The following USP48 variants were observed in gnomAD, a reference collection of about 807,000 sequenced individuals.
USP48 encodes the protein ubiquitin specific peptidase 48.
USP48 carries 43 observed loss-of-function variants against 150.7 expected under a neutral mutation model. That is an observed-to-expected ratio of 0.29 (90% confidence interval 0.22 to 0.37). The LOEUF is 0.37. Among genes scored for constraint, USP48 ranks in the 10% least tolerant of loss-of-function variants. USP48 has a pLI of 1.00. For synonymous variants in USP48, 396 were observed against 425.9 expected, an observed-to-expected ratio of 0.93 and a Z score of 0.86; for missense variants, 813 against 1,249.6, an observed-to-expected ratio of 0.65 and a Z score of 5.27.
intron 24 of USP48, among the ~76,000 whole-genome samples, chr1:21,687,636 T>C (rs2097583415): frequency 6.6e-6 from 1 of 152,166 alleles, no homozygotes; most frequent in African/African-American, 2.4e-5. Context: ...AGAATACCAA[T>C]TAGGTTAAAA....
chr1:21,751,960 G>A lies in USP48; in HGVS notation c.666-345C>T, dbSNP rs1173300713. On this transcript the variant is annotated intron_variant, in intron 5 of 26. Coordinates refer to ENST00000308271, the MANE Select transcript of USP48 (RefSeq NM_032236.8). Reference sequence around the variant, plus strand: ...TTGAACCTGGGAGGCAGAGGTTGCAGTGAGCCAAGATCACGCCACTGCACT... The same window carrying A: ...TTGAACCTGGGAGGCAGAGGTTGCAATGAGCCAAGATCACGCCACTGCACT... Among the ~76,000 whole-genome samples, 10 of 148,576 alleles carry A rather than the reference G, an allele frequency of 6.7e-5. No individual in the cohort carries two copies. The East Asian group carries it at 1.8e-3, about 26-fold the overall frequency.
chr1:21,701,218 T>A (rs1239759060), intron 22 of USP48, among the ~76,000 whole-genome samples: 1 of 150,726 alleles, frequency 6.6e-6, no homozygotes, highest in Non-Finnish European at 1.5e-5. Flanking sequence ...TATAAAAAAT[T>A]AGCCGGGTGT....
At chr1:21,742,416 C>T (rs888702085) in intron 8 of USP48, among the ~76,000 whole-genome samples, 5 of 151,900 alleles carry the variant, frequency 3.3e-5, no homozygotes, top group African/African-American at 1.2e-4. Flanking sequence ...TGGTGGTGCA[C>T]ACTTGTAATC....
rs535936236 is a variant in USP48, at chr1:21,728,337, A to G, written c.1450+233T>C. ...TCATGGATGCAGAGTGCTGACCTAA[A>G]TGTTATAATTTATTAACAGCTTCCC... is the stretch of plus-strand genomic sequence containing the variant. On this transcript the variant is annotated intron_variant, in intron 11 of 26. Transcript: ENST00000308271. The G allele has an allele frequency of 4.7e-6, 6 of 1,279,132 alleles. No homozygotes were observed. The South Asian group carries it at 1.6e-4, about 35-fold the overall frequency. 79.2% of individuals were successfully genotyped at this position (1,279,132 alleles called of 1,614,324 possible). A position where few individuals can be genotyped will look rare whatever the true frequency, so the allele number is the denominator to read the frequency against.
intron 1 of USP48, among the ~76,000 whole-genome samples, chr1:21,764,539 T>C (rs111913694): frequency 0.076 from 11,460 of 150,860 alleles, 491 homozygotes; most frequent in Middle Eastern, 0.11. Context: ...AAACCCTGAC[T>C]CTACTAAAAA....
chr1:21,744,447 A>G (rs2097789387), intron 8 of USP48, among the ~76,000 whole-genome samples: 1 of 144,360 alleles, frequency 6.9e-6, no homozygotes, highest in Non-Finnish European at 1.5e-5. Context: ...CTGTCTCAAA[A>G]AAAAAAACAG....
chr1:21,770,627 C>T (rs1021172596), intron 1 of USP48, among the ~76,000 whole-genome samples: 3 of 151,108 alleles, frequency 2.0e-5, no homozygotes, highest in Non-Finnish European at 4.4e-5. Context: ...ACTACAGGCG[C>T]GCACCACCAT....
intron 1 of USP48, among the ~76,000 whole-genome samples, chr1:21,765,478 A>G (rs1572024640): frequency 6.6e-6 from 1 of 152,034 alleles, no homozygotes; most frequent in Non-Finnish European, 1.5e-5. Flanking sequence ...TGTGCCAGGC[A>G]TGGTGGCACG....
At chr1:21,765,640 G>A (rs183170205) in intron 1 of USP48, among the ~76,000 whole-genome samples, 31 of 150,756 alleles carry the variant, frequency 2.1e-4, no homozygotes, top group Non-Finnish European at 4.3e-4. Context: ...GGGACAGCCC[G>A]AAGCTGAACA....
chr1:21,758,211 C>CACAA (rs2097841739), intron 1 of USP48, among the ~76,000 whole-genome samples: 1 of 151,494 alleles, frequency 6.6e-6, no homozygotes, highest in Admixed American at 6.6e-5. Flanking sequence ...CACACACACA[C>CACAA]ACACACACAC....
chr1:21,745,328 A>G (rs1436355016), intron 8 of USP48, among the ~76,000 whole-genome samples: 1 of 152,072 alleles, frequency 6.6e-6, no homozygotes, highest in Non-Finnish European at 1.5e-5. Flanking sequence ...TTAAGGAGAC[A>G]AACATGGTGG....
Position 21,729,887 on chromosome 1 carries a change from T to G in USP48, c.1172-55A>C, listed in dbSNP as rs2097752144. 1.9e-6 allele frequency: 3 copies of G among 1,611,182 alleles called. No homozygotes were observed. In the South Asian group the frequency reaches 3.3e-5, roughly 18 times the overall value. On this transcript the variant is annotated intron_variant, in intron 9 of 26. Coordinates refer to ENST00000308271, the MANE Select transcript of USP48 (RefSeq NM_032236.8). ...ACTTAAGTGCCTAGAGTTTGTTTAT[T>G]CTTTAGCGGGGCTATAGAAAACAAT...
At chr1:21,728,412 G>C in intron 11 of USP48, 158 bp downstream of exon 11, 3 of 1,415,792 alleles carry the variant, frequency 2.1e-6, no homozygotes, top group Non-Finnish European at 2.8e-6. Context: ...TACACATCAA[G>C]TTATTGTTGG....
intron 14 of USP48, among the ~76,000 whole-genome samples, chr1:21,715,991 T>A (rs1357159161): frequency 6.6e-6 from 1 of 152,230 alleles, no homozygotes; most frequent in Non-Finnish European, 1.5e-5. Context: ...ACATTTCTGT[T>A]CATGTCTTCC....
At chr1:21,762,544 TC>T (rs541738046) in intron 1 of USP48, among the ~76,000 whole-genome samples, 57 of 152,234 alleles carry the variant, frequency 3.7e-4, no homozygotes, top group African/African-American at 1.3e-3. Context: ...GTTTGTTCAC[TC>T]CCTCCTCTTG....
chr1:21,705,159 C>T (rs546819621), intron 19 of USP48, among the ~76,000 whole-genome samples: 60 of 152,234 alleles, frequency 3.9e-4, no homozygotes, highest in African/African-American at 1.4e-3. Flanking sequence ...TTATGTGTTC[C>T]AATTTCCTTT....
intron 14 of USP48, among the ~76,000 whole-genome samples, chr1:21,717,275 G>A (rs1375740616): frequency 1.3e-5 from 2 of 151,874 alleles, no homozygotes; most frequent in Admixed American, 1.3e-4. Flanking sequence ...GTGGTGGCAC[G>A]CACCTGGGGT....
At chr1:21,764,448 A>T (rs2097857038) in intron 1 of USP48, among the ~76,000 whole-genome samples, 2 of 151,494 alleles carry the variant, frequency 1.3e-5, no homozygotes, top group African/African-American at 4.9e-5. Context: ...CCAAAAAAAA[A>T]AAAAAGCCTG....
intron 14 of USP48, 35 bp from the exon 15 acceptor site, chr1:21,715,492 G>T (rs1424154928): frequency 7.2e-7 from 1 of 1,391,348 alleles, no homozygotes; most frequent in Non-Finnish European, 1.0e-6. Context: ...ATCTGCTGTG[G>T]TTATTGTGTA....
Sources: gnomAD v4.1 joint callset for allele counts (sites outside exome capture counted in the v4.1 genomes callset) on GRCh38, gnomAD v4.1.1 for gene constraint, MANE v1.5 for transcripts, NCBI Gene and HGNC (gene_info 2026-07-23, HGNC 2026-07-21) for gene names.